Variants in SPON1 observed in about 807,000 individuals in gnomAD.
SPON1 encodes the protein spondin 1.
A neutral mutation model predicts 111.7 loss-of-function variants in SPON1; 52 were observed. That is an observed-to-expected ratio of 0.47 (90% CI 0.37 to 0.59). SPON1 has a LOEUF of 0.59. Among genes scored for constraint, SPON1 ranks in the 20% least tolerant of loss-of-function variants. The pLI is 0.00. For synonymous variants in SPON1, 410 were observed against 395.8 expected (o/e 1.04, Z -0.43); for missense variants, 957 against 1,068.5 (o/e 0.90, Z 1.46).
At chr11:14,182,924 G>A (rs1205101731) in intron 6 of SPON1, among the ~76,000 whole-genome samples, 3 of 152,166 alleles carry the variant, frequency 2.0e-5, no homozygotes, top group Non-Finnish European at 2.9e-5. Context: ...GGTGTTGAGA[G>A]ACCAGCAATT....
Position 14,116,125 on chromosome 11 carries a change from A to G in SPON1, c.677-19295A>G, listed in dbSNP as rs1849265181. Among the ~76,000 whole-genome samples, 3 of 152,028 alleles carry G rather than the reference A, an allele frequency of 2.0e-5. No individual in the cohort carries two copies. In the South Asian group the frequency reaches 6.2e-4, roughly 31 times the overall value. ...TCTTATTGACTTGTAGTAATTCTTT[A>G]TATAGTCTAGATAAAAGTCCTTTGT... On this transcript the variant is annotated intron_variant, in intron 5 of 15. Coordinates refer to ENST00000576479, the MANE Select transcript of SPON1 (RefSeq NM_006108.4).
chr11:14,178,653 T>C (rs1214497092), intron 6 of SPON1, among the ~76,000 whole-genome samples: 1 of 152,228 alleles, frequency 6.6e-6, no homozygotes, highest in Non-Finnish European at 1.5e-5. Context: ...GATGAATGCC[T>C]AAATAAATTA....
At chr11:14,192,002 G>A (rs2133892226) in intron 6 of SPON1, among the ~76,000 whole-genome samples, 1 of 152,168 alleles carries the variant, frequency 6.6e-6, no homozygotes, top group South Asian at 2.1e-4. Flanking sequence ...TTAGTAGTAA[G>A]AATGATCAAC....
intron 5 of SPON1, among the ~76,000 whole-genome samples, chr11:14,107,731 A>G (rs1023215695): frequency 1.3e-5 from 2 of 152,200 alleles, no homozygotes; most frequent in South Asian, 4.1e-4. Flanking sequence ...GATCAGAGTA[A>G]TGCGAGAGTG....
At chr11:14,157,987 C>G (rs1221810439) in intron 6 of SPON1, among the ~76,000 whole-genome samples, 1 of 151,976 alleles carries the variant, frequency 6.6e-6, no homozygotes, top group African/African-American at 2.4e-5. Flanking sequence ...AGGTCTATTT[C>G]TATTATTTGT....
chr11:14,161,477 C>T (rs1183229737), intron 6 of SPON1, among the ~76,000 whole-genome samples: 2 of 150,516 alleles, frequency 1.3e-5, no homozygotes, highest in South Asian at 2.1e-4. Flanking sequence ...CACCATCACA[C>T]CCAGATAATT....
chr11:14,051,846 C>T (rs1219986711), intron 3 of SPON1, among the ~76,000 whole-genome samples: 3 of 152,152 alleles, frequency 2.0e-5, no homozygotes, highest in Admixed American at 1.3e-4. Context: ...AAATGCATTG[C>T]ATGTCTTATA....
At chr11:14,169,776 T>C (rs1848075037) in intron 6 of SPON1, among the ~76,000 whole-genome samples, 1 of 152,218 alleles carries the variant, frequency 6.6e-6, no homozygotes, top group South Asian at 2.1e-4. Flanking sequence ...TGCTTGTTTT[T>C]GTCAGGTTTG....
At chr11:14,027,899 T>A (rs1389635244) in intron 2 of SPON1, among the ~76,000 whole-genome samples, 2 of 152,216 alleles carry the variant, frequency 1.3e-5, no homozygotes, top group African/African-American at 2.4e-5. Context: ...GCTGATTTAT[T>A]TCCTAGGCAT....
chr11:14,024,005 GAA>G (rs61433514), intron 2 of SPON1, among the ~76,000 whole-genome samples: 1 of 145,164 alleles, frequency 6.9e-6, no homozygotes, highest in Admixed American at 6.9e-5. Context: ...CCATCTCAAA[GAA>G]AAAAAAAAAA....
intron 6 of SPON1, among the ~76,000 whole-genome samples, chr11:14,155,491 T>A (rs1296171710): frequency 1.6e-5 from 2 of 124,602 alleles, no homozygotes; most frequent in African/African-American, 2.8e-5. Context: ...TCTATTTTTT[T>A]ATTTATTTTT....
intron 6 of SPON1, among the ~76,000 whole-genome samples, chr11:14,193,185 G>A (rs1171184577): frequency 2.0e-5 from 3 of 152,194 alleles, no homozygotes; most frequent in South Asian, 2.1e-4. Flanking sequence ...CCACACGCAT[G>A]GAGGAAAAGC....
At position 14,265,779 on chromosome 11, in the gene SPON1, C is replaced by A. The variant is rs1010851228; in HGVS notation, c.*92C>A. 28 of 1,400,142 alleles carry A rather than the reference C, an allele frequency of 2.0e-5. No individual in the cohort carries two copies. The African/African-American group carries it at 3.9e-4, about 19-fold the overall frequency. The allele number at this position is 1,400,142 out of a possible 1,614,324, so 86.7% of individuals were successfully genotyped here. A position where few individuals can be genotyped will look rare whatever the true frequency, so the allele number is the denominator to read the frequency against. Reference sequence around the variant, plus strand: ...TGTTTAAGACAATTTAAATTGTGTACGCTAGTTTTCATTTTTGCAGTGTGG... The same window carrying A: ...TGTTTAAGACAATTTAAATTGTGTAAGCTAGTTTTCATTTTTGCAGTGTGG... On this transcript the variant is annotated 3_prime_UTR_variant, in exon 16 of 16. Transcript: ENST00000576479.
At chr11:14,102,333 GTTCTA>G (rs1442681560) in intron 5 of SPON1, among the ~76,000 whole-genome samples, 24 of 152,066 alleles carry the variant, frequency 1.6e-4, no homozygotes, top group Admixed American at 3.3e-4. Context: ...TAATTTTAAT[GTTCTA>G]TTCTATTTTA....
intron 2 of SPON1, among the ~76,000 whole-genome samples, chr11:14,017,770 T>C: frequency 6.6e-6 from 1 of 152,222 alleles, no homozygotes; most frequent in Non-Finnish European, 1.5e-5. Flanking sequence ...TGCTTACTAT[T>C]TGGCTATTTC....
intron 2 of SPON1, among the ~76,000 whole-genome samples, chr11:14,007,454 A>C: frequency 6.6e-6 from 1 of 152,194 alleles, no homozygotes; most frequent in Non-Finnish European, 1.5e-5. Flanking sequence ...AGGCTAGGCC[A>C]GTCTCTCCTT....
chr11:13,982,989 C>A, intron 2 of SPON1, 36 bp downstream of exon 2: 2 of 1,395,852 alleles, frequency 1.4e-6, no homozygotes, highest in Non-Finnish European at 2.0e-6. Flanking sequence ...GTGGCCCTCC[C>A]TGCCCTAGGA....
intron 6 of SPON1, among the ~76,000 whole-genome samples, chr11:14,147,240 G>T (rs1287090639): frequency 2.0e-5 from 3 of 151,482 alleles, no homozygotes; most frequent in Admixed American, 6.6e-5. Flanking sequence ...CACCTTGTTG[G>T]TCAGGCTGGT....
intron 7 of SPON1, among the ~76,000 whole-genome samples, chr11:14,252,783 G>C (rs1008572651): frequency 2.6e-5 from 4 of 152,248 alleles, no homozygotes; most frequent in Non-Finnish European, 5.9e-5. Flanking sequence ...GACATGACCT[G>C]AGGCTTGAAA....
Sources: allele counts gnomAD v4.1 joint callset (sites outside exome capture counted in the v4.1 genomes callset), GRCh38; gene constraint gnomAD v4.1.1; transcripts MANE v1.5; gene names NCBI Gene and HGNC (gene_info 2026-07-23, HGNC 2026-07-21).